Variants in C12orf42 observed in about 807,000 individuals in gnomAD.
C12orf42 encodes uncharacterized protein C12orf42.
C12orf42 carries 25 observed loss-of-function variants against 21.6 expected under a neutral mutation model. That is an observed-to-expected ratio of 1.16 (90% CI 0.84 to 1.62). C12orf42 has a LOEUF of 1.62. C12orf42 is among the 40% of genes most tolerant of loss of function. The pLI is 0.00. For synonymous variants in C12orf42, 174 were observed against 175.0 expected (o/e 0.99, Z 0.05); for missense variants, 483 against 459.3 (o/e 1.05, Z -0.47).
chr12:103,102,137 A>T, the C12orf42 span, among the ~76,000 whole-genome samples: 2 of 152,180 alleles, frequency 1.3e-5, no homozygotes, highest in African/African-American at 2.4e-5. Flanking sequence ...AACTGCAAAG[A>T]TCCATTGCAA....
chr12:103,071,675 C>T, the C12orf42 span, among the ~76,000 whole-genome samples: 7 of 152,268 alleles, frequency 4.6e-5, no homozygotes, highest in East Asian at 1.4e-3. Context: ...CTCCTGCTTG[C>T]TGCCATGTAA....
At chr12:103,381,696 T>C (rs2046192035) in intron 3 of C12orf42, among the ~76,000 whole-genome samples, 3 of 152,100 alleles carry the variant, frequency 2.0e-5, no homozygotes. Context: ...GGCAGGCGGA[T>C]CATGAGGTCA....
chr12:103,473,257 T>A (rs1157710006), intron 2 of C12orf42, among the ~76,000 whole-genome samples: 5 of 152,230 alleles, frequency 3.3e-5, no homozygotes, highest in Admixed American at 6.5e-5. Flanking sequence ...ATTTTTGTTA[T>A]GAAGATGAAA....
the C12orf42 span, among the ~76,000 whole-genome samples, chr12:103,515,311 A>T: frequency 2.0e-5 from 3 of 152,228 alleles, no homozygotes; most frequent in African/African-American, 7.2e-5. Flanking sequence ...AAAAATGCAT[A>T]GTGACCTGTG....
At chr12:103,254,290 G>T (rs1372306505) in intron 10 of C12orf42, among the ~76,000 whole-genome samples, 5 of 152,078 alleles carry the variant, frequency 3.3e-5, no homozygotes, top group Non-Finnish European at 7.4e-5. Context: ...TAACAAACCT[G>T]CACATTCAGC....
At chr12:103,255,417 T>C (rs923430383) in intron 10 of C12orf42, among the ~76,000 whole-genome samples, 1 of 152,162 alleles carries the variant, frequency 6.6e-6, no homozygotes, top group African/African-American at 2.4e-5. Context: ...TATGTATGCA[T>C]AATTAAATGA....
intron 1 of C12orf42, among the ~76,000 whole-genome samples, chr12:103,479,675 A>G (rs993408377): frequency 1.3e-5 from 2 of 152,078 alleles, no homozygotes; most frequent in African/African-American, 4.8e-5. Context: ...TCTATTAACT[A>G]TCTCCTCTGC....
the C12orf42 span, among the ~76,000 whole-genome samples, chr12:103,140,797 G>T: frequency 1.3e-5 from 2 of 151,980 alleles, no homozygotes; most frequent in Non-Finnish European, 2.9e-5. Context: ...ATGTTGAATT[G>T]CAGGCCACAG....
At chr12:103,503,008 A>G in the C12orf42 span, among the ~76,000 whole-genome samples, 1 of 152,212 alleles carries the variant, frequency 6.6e-6, no homozygotes, top group African/African-American at 2.4e-5. Context: ...ATGCCACCTG[A>G]AACCTCAATC....
intron 1 of C12orf42, among the ~76,000 whole-genome samples, chr12:103,495,219 A>G (rs982156485): frequency 6.6e-6 from 1 of 151,048 alleles, no homozygotes; most frequent in Non-Finnish European, 1.5e-5. Context: ...ACTTGGGGGG[A>G]ATTAAAAGAG....
In C12orf42 at chr12:103,368,880, A is replaced by C. The variant is rs745773379; in HGVS notation, c.259+7T>G. On this transcript the variant is annotated splice_region_variant and intron_variant, in intron 4 of 5. Transcript: ENST00000548883. ...CTGGTCTGTCTTGGGATTATGTCTT[A>C]ATTTACCTGGAAAATTCAGAAAGTG... 2 of 1,465,280 alleles carry C rather than the reference A, an allele frequency of 1.4e-6. No individual in the cohort carries two copies. Among genetic ancestry groups the C allele is most frequent in the Admixed American group, 3.7e-5 (2 of 53,704 alleles). 90.8% of individuals were successfully genotyped at this position (1,465,280 alleles called of 1,614,324 possible).
the C12orf42 span, among the ~76,000 whole-genome samples, chr12:103,108,142 G>GA: frequency 6.6e-6 from 1 of 150,830 alleles, no homozygotes; most frequent in African/African-American, 2.4e-5. Context: ...TTTTTAAAAA[G>GA]AAAGGAAAAA....
chr12:103,506,860 A>ATATAT, the C12orf42 span, among the ~76,000 whole-genome samples: 70 of 71,928 alleles, frequency 9.7e-4, no homozygotes, highest in African/African-American at 4.3e-3. Flanking sequence ...TTTATATATT[A>ATATAT]TATATATATA....
At chr12:103,562,272 A>T in the C12orf42 span, among the ~76,000 whole-genome samples, 2 of 152,128 alleles carry the variant, frequency 1.3e-5, no homozygotes. Context: ...GGTTGGAATA[A>T]CCAAAATCTT....
chr12:103,255,233 G>A (rs973470164), intron 10 of C12orf42, among the ~76,000 whole-genome samples: 2 of 152,058 alleles, frequency 1.3e-5, no homozygotes, highest in Non-Finnish European at 2.9e-5. Flanking sequence ...TTAGCTGGGT[G>A]GGGTGGTGCA....
At chr12:103,326,283 G>A (rs912596703) in intron 4 of C12orf42, among the ~76,000 whole-genome samples, 1 of 152,136 alleles carries the variant, frequency 6.6e-6, no homozygotes, top group Admixed American at 6.5e-5. Context: ...AACAAGATAG[G>A]CTTGTCAAAG....
At chr12:103,502,554 A>C in the C12orf42 span, among the ~76,000 whole-genome samples, 2 of 152,072 alleles carry the variant, frequency 1.3e-5, no homozygotes, top group African/African-American at 4.8e-5. Context: ...CCAGGTTTTC[A>C]TAGAACCTAC....
At chr12:103,285,541 AATG>A (rs2036390041) in intron 4 of C12orf42, among the ~76,000 whole-genome samples, 1 of 152,216 alleles carries the variant, frequency 6.6e-6, no homozygotes, top group Admixed American at 6.5e-5. Flanking sequence ...ATAACTGTTT[AATG>A]ATAAGGAAGA....
At chr12:103,558,828 T>C in the C12orf42 span, 5 of 152,148 alleles carry the variant, frequency 3.3e-5, no homozygotes, top group Non-Finnish European at 5.9e-5. Context: ...TAATAACATA[T>C]GCAGTTTTAA....
Sources: gnomAD v4.1 joint callset for allele counts (sites outside exome capture counted in the v4.1 genomes callset) on GRCh38, gnomAD v4.1.1 for gene constraint, MANE v1.5 for transcripts, NCBI Gene and HGNC (gene_info 2026-07-23, HGNC 2026-07-21) for gene names.